The following DAAM1 variants were observed in gnomAD, a reference collection of about 807,000 sequenced individuals.
The protein encoded by DAAM1 is dishevelled associated activator of morphogenesis 1.
Under a neutral mutation model 130.0 loss-of-function variants are expected in DAAM1, and 52 were observed. That is an observed-to-expected ratio of 0.40 (90% confidence interval 0.32 to 0.50). DAAM1 has a LOEUF of 0.50. Ranked by LOEUF, DAAM1 falls within the 20% of genes least tolerant of loss-of-function variation. The pLI is 0.61. For synonymous variants in DAAM1, 452 were observed against 444.5 expected (o/e 1.02, Z -0.21); for missense variants, 1,134 against 1,303.8 (o/e 0.87, Z 2.01).
At chr14:59,242,760 G>A (rs1336223903) in intron 1 of DAAM1, among the ~76,000 whole-genome samples, 6 of 152,148 alleles carry the variant, frequency 3.9e-5, no homozygotes, top group East Asian at 3.9e-4. Context: ...GGGTTTCACC[G>A]TGTTAGCCAG....
chr14:59,321,819 C>G (rs1320031080), intron 5 of DAAM1, among the ~76,000 whole-genome samples: 1 of 152,154 alleles, frequency 6.6e-6, no homozygotes, highest in African/African-American at 2.4e-5. Flanking sequence ...GCATTTCTCT[C>G]AATATGTTCT....
chr14:59,315,178 G>C, intron 3 of DAAM1, 102 bp from the exon 4 acceptor site: 1 of 999,988 alleles, frequency 1.0e-6, no homozygotes, highest in Non-Finnish European at 1.6e-6. Context: ...TCTTCTAAAG[G>C]CTTGAGTGGG....
intron 1 of DAAM1, among the ~76,000 whole-genome samples, chr14:59,250,856 A>G (rs1264379219): frequency 6.6e-6 from 1 of 152,210 alleles, no homozygotes; most frequent in Non-Finnish European, 1.5e-5. Context: ...ATGGTGCTAC[A>G]TGTATATTGT....
At chr14:59,260,988 G>A (rs565224368) in intron 1 of DAAM1, among the ~76,000 whole-genome samples, 41 of 152,314 alleles carry the variant, frequency 2.7e-4, no homozygotes, top group African/African-American at 9.9e-4. Flanking sequence ...AGACAGAAAA[G>A]TTGAGCTGAA....
At chr14:59,352,700 C>G (rs1886333366) in intron 18 of DAAM1, 68 bp downstream of exon 18, 1 of 1,401,248 alleles carries the variant, frequency 7.1e-7, no homozygotes, top group African/African-American at 1.4e-5. Context: ...ATTTTCAATT[C>G]ATGTTGAATT....
At chr14:59,220,526 G>A (rs1888735965) in intron 1 of DAAM1, among the ~76,000 whole-genome samples, 1 of 152,156 alleles carries the variant, frequency 6.6e-6, no homozygotes, top group South Asian at 2.1e-4. Context: ...ATTAGTCTTT[G>A]TTTTCTCAAG....
intron 1 of DAAM1, among the ~76,000 whole-genome samples, chr14:59,222,535 G>A (rs1029648409): frequency 6.6e-6 from 1 of 152,158 alleles, no homozygotes; most frequent in Non-Finnish European, 1.5e-5. Context: ...GTCAGCCTTG[G>A]CGAGTTGAAG....
chr14:59,306,060 A>G (rs12588656), intron 3 of DAAM1, among the ~76,000 whole-genome samples: 47,599 of 148,956 alleles, frequency 0.32, 8,832 homozygotes, highest in East Asian at 0.57. Flanking sequence ...AAGGCAGGAG[A>G]GTTAATGAAC....
rs35354608 is a variant in DAAM1 at position 59,280,535 on chromosome 14, CTTTTTTTTTTTTTT to C, written c.184-10672_184-10659del. On this transcript the variant is annotated intron_variant, in intron 2 of 24. Coordinates refer to ENST00000360909, the MANE Select transcript of DAAM1 (RefSeq NM_001270520.2). ...TCTTCTCTACTTTCTGCACACCTTC[CTTTTTTTTTTTTTT>C]TTTTTTTTTCATTTCTGCTATGTCA... is the stretch of plus-strand genomic sequence containing the variant. Among the ~76,000 whole-genome samples, 8 of 90,658 alleles carry C rather than the reference CTTTTTTTTTTTTTT, an allele frequency of 8.8e-5. No homozygotes were observed. In the Admixed American group the frequency reaches 8.9e-4, roughly 10 times the overall value. 59.5% of individuals were successfully genotyped at this position (90,658 alleles called of 152,430 possible). A position where few individuals can be genotyped will look rare whatever the true frequency, so the allele number is the denominator to read the frequency against.
At chr14:59,323,348 G>A (rs1885092544) in intron 6 of DAAM1, 123 bp downstream of exon 6, 1 of 1,063,948 alleles carries the variant, frequency 9.4e-7, no homozygotes, top group Non-Finnish European at 1.3e-6. Context: ...TACTCACAGT[G>A]TGACTTTAAA....
At chr14:59,346,313 G>C (rs1407675657) in intron 16 of DAAM1, among the ~76,000 whole-genome samples, 1 of 152,168 alleles carries the variant, frequency 6.6e-6, no homozygotes, top group African/African-American at 2.4e-5. Flanking sequence ...TACTTCAAAA[G>C]TTGCATGTGA....
At chr14:59,352,470 T>C (rs1370260439) in intron 17 of DAAM1, 56 bp from the exon 18 acceptor site, 1 of 1,388,242 alleles carries the variant, frequency 7.2e-7, no homozygotes, top group Non-Finnish European at 1.0e-6. Flanking sequence ...GGTGAAAAAT[T>C]ACTACATGGA....
intron 1 of DAAM1, among the ~76,000 whole-genome samples, chr14:59,231,424 G>A (rs750438149): frequency 7.2e-5 from 11 of 152,180 alleles, no homozygotes; most frequent in Non-Finnish European, 1.5e-4. Flanking sequence ...AGGGAGTAGT[G>A]GGGACCATGG....
At chr14:59,283,723 A>C (rs1883319608) in intron 2 of DAAM1, among the ~76,000 whole-genome samples, 1 of 152,124 alleles carries the variant, frequency 6.6e-6, no homozygotes. Context: ...AAGATCATGA[A>C]CTTCCCAAAG....
At chr14:59,282,489 A>G (rs1274584468) in intron 2 of DAAM1, among the ~76,000 whole-genome samples, 4 of 152,202 alleles carry the variant, frequency 2.6e-5, no homozygotes, top group Non-Finnish European at 5.9e-5. Context: ...TGTGGAACTC[A>G]GGGATATCTG....
intron 2 of DAAM1, among the ~76,000 whole-genome samples, chr14:59,283,767 G>A (rs8181987): frequency 0.23 from 34,934 of 152,046 alleles, 4,248 homozygotes; most frequent in East Asian, 0.32. Context: ...ACTAGGCACT[G>A]GAGGTGTGGG....
chr14:59,291,015 G>A (rs1314381134), intron 2 of DAAM1, among the ~76,000 whole-genome samples: 1 of 152,156 alleles, frequency 6.6e-6, no homozygotes, highest in African/African-American at 2.4e-5. Context: ...CCCTCTTGCT[G>A]TGCCCCATGC....
intron 1 of DAAM1, among the ~76,000 whole-genome samples, chr14:59,213,349 CAAAAAAAAA>C (rs35496333): frequency 4.3e-5 from 3 of 69,976 alleles, no homozygotes; most frequent in South Asian, 5.6e-4. Flanking sequence ...CACAGCTTAC[CAAAAAAAAA>C]AAAAAAAAAA....
At chr14:59,315,432 A>C in intron 4 of DAAM1, 81 bp downstream of exon 4, 1 of 1,328,464 alleles carries the variant, frequency 7.5e-7, no homozygotes, top group Non-Finnish European at 1.1e-6. Flanking sequence ...AATAAATTCG[A>C]TTGAGTATGA....
Sources: allele counts gnomAD v4.1 joint callset (sites outside exome capture counted in the v4.1 genomes callset), GRCh38; gene constraint gnomAD v4.1.1; transcripts MANE v1.5; gene names NCBI Gene and HGNC (gene_info 2026-07-23, HGNC 2026-07-21).